RPH3AL: variants seen among roughly 807,000 people sequenced by gnomAD.
RPH3AL encodes the protein rab effector Noc2.
Under a neutral mutation model 43.1 loss-of-function variants are expected in RPH3AL, and 38 were observed. The ratio of observed to expected loss-of-function variants is 0.88; its 90% CI spans 0.68 to 1.15. RPH3AL has a LOEUF of 1.15. Among genes scored for constraint, RPH3AL ranks in the 50% most tolerant of loss-of-function variants. The pLI, the probability that RPH3AL is intolerant of heterozygous loss-of-function variation, is 0.00. For synonymous variants in RPH3AL, 189 were observed against 176.3 expected (o/e 1.07, Z -0.57); for missense variants, 462 against 423.2 (o/e 1.09, Z -0.81).
chr17:297,496 C>T (rs540932859), intron 5 of RPH3AL, among the ~76,000 whole-genome samples: 23 of 152,312 alleles, frequency 1.5e-4, no homozygotes, highest in East Asian at 3.9e-4. Context: ...ATGCTACCTC[C>T]GGGTAGACAG....
chr17:332,400 G>C (rs2044801970), intron 2 of RPH3AL: 1 of 175,860 alleles, frequency 5.7e-6, no homozygotes, highest in East Asian at 1.4e-4. Flanking sequence ...AGCCCGCCCA[G>C]AAGTGTTCAG....
At chr17:227,450 G>A (rs185815443) in intron 7 of RPH3AL, among the ~76,000 whole-genome samples, 72 of 139,444 alleles carry the variant, frequency 5.2e-4, no homozygotes, top group Non-Finnish European at 8.3e-4. Flanking sequence ...CATGCTGGCC[G>A]TGTGGCCTCA....
At chr17:351,535 G>A (rs921741811) in intron 1 of RPH3AL, among the ~76,000 whole-genome samples, 1 of 152,004 alleles carries the variant, frequency 6.6e-6, no homozygotes, top group African/African-American at 2.4e-5. Flanking sequence ...TCTCCACCTA[G>A]CTGAGTCTCA....
rs2045247740 is a variant in RPH3AL at position 346,968 on chromosome 17, G to A, written c.-213+5744C>T. 1.5e-5 allele frequency among the ~76,000 whole-genome samples: 2 copies of A among 135,522 alleles called. 1 individual carries two copies. The highest frequency in any genetic ancestry group is 1.4e-4 in the Admixed American group (2 of 14,064). The allele number at this position is 135,522 out of a possible 152,430, so 88.9% of individuals were successfully genotyped here. On this transcript the variant is annotated intron_variant, in intron 1 of 9. Coordinates refer to ENST00000331302, the MANE Select transcript of RPH3AL (RefSeq NM_006987.4). ...ACAGGAACCTCAAACACTGTAAAAT[G>A]GCCCAGCCGGCCAGGCGCGGTGGCT...
Position 307,134 on chromosome 17 carries a change from TC to T in RPH3AL, c.351+12285del, listed in dbSNP as rs1163619366. 7.0e-5 allele frequency among the ~76,000 whole-genome samples: 10 copies of T among 143,108 alleles called. 1 individual carries two copies. The East Asian group carries it at 2.1e-3, about 30-fold the overall frequency. The allele number at this position is 143,108 out of a possible 152,430, so 93.9% of individuals were successfully genotyped here. On this transcript the variant is annotated intron_variant, in intron 5 of 9. Transcript: ENST00000331302. The stretch of plus-strand genomic sequence containing the variant: ...GGCAGGCCTGTCCCACAGCAGATCC[TC>T]CCCATGGCAGGTCCTCCCCATGGCA...
intron 5 of RPH3AL, among the ~76,000 whole-genome samples, chr17:301,202 C>T (rs766825807): frequency 2.0e-5 from 3 of 152,286 alleles, no homozygotes; most frequent in Non-Finnish European, 4.4e-5. Flanking sequence ...CTCATTTCAT[C>T]GGCCACCTTA....
chr17:304,343 A>T (rs2043408590), intron 5 of RPH3AL, among the ~76,000 whole-genome samples: 1 of 151,826 alleles, frequency 6.6e-6, no homozygotes. Flanking sequence ...GAGGTGAGGG[A>T]ATGAGCCCAG....
intron 1 of RPH3AL, among the ~76,000 whole-genome samples, chr17:342,848 C>T (rs895215945): frequency 6.6e-6 from 1 of 152,080 alleles, no homozygotes; most frequent in Non-Finnish European, 1.5e-5. Context: ...TTATTCTCCT[C>T]ATAGAGAATT....
At chr17:251,749 G>A (rs2041906215) in intron 6 of RPH3AL, among the ~76,000 whole-genome samples, 1 of 152,196 alleles carries the variant, frequency 6.6e-6, no homozygotes, top group Non-Finnish European at 1.5e-5. Context: ...GGGGGCCATG[G>A]GGTGCCAGCC....
Position 213,637 on chromosome 17 carries a change from C to T in RPH3AL, c.*215G>A. The T allele has an allele frequency of 1.7e-6, 1 of 598,478 alleles. No homozygotes were observed. Among genetic ancestry groups the T allele is most frequent in the Non-Finnish European group, 3.0e-6 (1 of 334,008 alleles). 37.1% of individuals were successfully genotyped at this position (598,478 alleles called of 1,614,324 possible). ...AATAAATAAGGTCGGGGGCTGAGGG[C>T]AGTGGTTGGAGGGGGTGGCGGATGC... On this transcript the variant is annotated 3_prime_UTR_variant, in exon 10 of 10. Transcript: ENST00000331302.
At chr17:332,823 G>A (rs554307787) in intron 2 of RPH3AL, 5 of 363,556 alleles carry the variant, frequency 1.4e-5, no homozygotes, top group South Asian at 2.4e-5. Context: ...CCTCGACCCC[G>A]CCGGGCGACA....
chr17:339,681 G>A (rs1290480955), intron 1 of RPH3AL: 2 of 152,264 alleles, frequency 1.3e-5, no homozygotes, highest in Admixed American at 6.5e-5. Flanking sequence ...GCTGGGCTGA[G>A]CCCAGGTGCT....
chr17:349,631 G>A (rs1368970452), intron 1 of RPH3AL, among the ~76,000 whole-genome samples: 1 of 149,542 alleles, frequency 6.7e-6, no homozygotes, highest in African/African-American at 2.5e-5. Context: ...AGACCAACCT[G>A]GGCAATGTAG....
In RPH3AL at chr17:215,227, G is replaced by A. The variant is rs1341050990; in HGVS notation, c.876+427C>T. Reference sequence around the variant, plus strand: ...TCACCCCCGCCACAGGATGATCCTGGGCCAACCAGGGCTGGGCCCAGCAGG... The same window carrying A: ...TCACCCCCGCCACAGGATGATCCTGAGCCAACCAGGGCTGGGCCCAGCAGG... On this transcript the variant is annotated intron_variant, in intron 9 of 9. Coordinates refer to ENST00000331302, the MANE Select transcript of RPH3AL (RefSeq NM_006987.4). The surrounding 1 kb of genome is among the most constrained non-coding windows in gnomAD (Gnocchi z 4.1). Among the ~76,000 whole-genome samples the A allele has an allele frequency of 6.6e-6, 1 of 152,086 alleles. No individual in the cohort carries two copies. The highest frequency in any genetic ancestry group is 1.5e-5 in the Non-Finnish European group (1 of 68,006).
At chr17:324,145 T>A (rs1216346167) in intron 3 of RPH3AL, among the ~76,000 whole-genome samples, 2 of 152,146 alleles carry the variant, frequency 1.3e-5, no homozygotes, top group Non-Finnish European at 2.9e-5. Flanking sequence ...CTAGCAGGAA[T>A]CTCGGGTTGG....
intron 2 of RPH3AL, among the ~76,000 whole-genome samples, chr17:329,041 G>A (rs981473105): frequency 6.6e-6 from 1 of 152,060 alleles, no homozygotes; most frequent in East Asian, 1.9e-4. Context: ...AAATGTTCTG[G>A]ATTAGACAGT....
chr17:341,229 C>T (rs1427785109), intron 1 of RPH3AL: 1 of 152,162 alleles, frequency 6.6e-6, no homozygotes, highest in Non-Finnish European at 1.5e-5. Flanking sequence ...TTCGCAGTTT[C>T]TGGTGAACGT....
intron 6 of RPH3AL, among the ~76,000 whole-genome samples, chr17:248,579 C>A (rs1260265876): frequency 3.9e-5 from 6 of 152,190 alleles, no homozygotes; most frequent in African/African-American, 1.4e-4. Context: ...GGGATGCCCA[C>A]CCTGAACTCA....
In RPH3AL at chr17:250,491, G is replaced by A. The variant is rs1193715050; in HGVS notation, c.439-3206C>T. On this transcript the variant is annotated intron_variant, in intron 6 of 9. Coordinates refer to ENST00000331302, the MANE Select transcript of RPH3AL (RefSeq NM_006987.4). ...TGCCATCGCTGTGGGACCTCTCGGG[G>A]CCTTTACCAAGCTCCGTCGCTGCAG... 2.1e-5 allele frequency among the ~76,000 whole-genome samples: 3 copies of A among 141,608 alleles called. No individual in the cohort carries two copies. The Admixed American group carries it at 2.2e-4, about 10-fold the overall frequency. The allele number at this position is 141,608 out of a possible 152,430, so 92.9% of individuals were successfully genotyped here.
Sources: gnomAD v4.1 joint callset for allele counts (sites outside exome capture counted in the v4.1 genomes callset) on GRCh38, gnomAD v4.1.1 for gene constraint, Gnocchi (gnomAD v3.1) non-coding constraint, MANE v1.5 for transcripts, NCBI Gene and HGNC (gene_info 2026-07-23, HGNC 2026-07-21) for gene names.